ATG14: variants seen among roughly 807,000 people sequenced by gnomAD.
ATG14 encodes autophagy related 14.
Under a neutral mutation model 60.4 loss-of-function variants are expected in ATG14, and 35 were observed. The observed-to-expected ratio is 0.58, with a 90% CI of 0.44 to 0.77. The LOEUF is 0.77. ATG14 is among the 30% of genes least tolerant of loss of function. ATG14 has a pLI of 0.00. For synonymous variants in ATG14, 234 were observed against 228.8 expected (o/e 1.02, Z -0.21); for missense variants, 647 against 626.3 (o/e 1.03, Z -0.35).
intron 3 of ATG14, among the ~76,000 whole-genome samples, chr14:55,392,832 G>A (rs974335272): frequency 2.4e-4 from 37 of 152,126 alleles, no homozygotes; most frequent in Non-Finnish European, 2.9e-5. Context: ...TATGGTGAGC[G>A]AAACTCTAAC....
intron 1 of ATG14, among the ~76,000 whole-genome samples, chr14:55,402,323 TA>T (rs1300013320): frequency 1.3e-5 from 2 of 152,100 alleles, no homozygotes; most frequent in African/African-American, 2.4e-5. Flanking sequence ...GAAACACTAC[TA>T]ATGTATTTTA....
intron 1 of ATG14, among the ~76,000 whole-genome samples, chr14:55,407,357 T>C (rs1475987132): frequency 2.6e-5 from 4 of 152,256 alleles, no homozygotes; most frequent in African/African-American, 4.8e-5. Context: ...TCTCGGTCTC[T>C]TGACCTTGTA....
chr14:55,393,882 T>TA (rs1885266730), intron 3 of ATG14, among the ~76,000 whole-genome samples: 2 of 152,182 alleles, frequency 1.3e-5, no homozygotes, highest in South Asian at 4.1e-4. Context: ...ATATTTAAAA[T>TA]ACATAAATGA....
At chr14:55,380,877 T>A (rs563295168) in intron 6 of ATG14, among the ~76,000 whole-genome samples, 187 bp from the exon 7 acceptor site, 5,839 of 43,078 alleles carry the variant, frequency 0.14, 147 homozygotes, top group Non-Finnish European at 0.16. Context: ...ATATATATAT[T>A]TTTTTTTTTT....
chr14:55,391,734 C>A (rs1885221852), intron 3 of ATG14, among the ~76,000 whole-genome samples: 1 of 152,130 alleles, frequency 6.6e-6, no homozygotes, highest in African/African-American at 2.4e-5. Flanking sequence ...AGCGCAGATA[C>A]AGAACTCAAG....
intron 3 of ATG14, 164 bp from the exon 4 acceptor site, chr14:55,391,156 C>T (rs1176996864): frequency 1.3e-5 from 7 of 535,548 alleles, no homozygotes; most frequent in South Asian, 2.3e-5. Flanking sequence ...AAAAAGAGAA[C>T]GATGTTTTTC....
Position 55,369,459 on chromosome 14 carries a change from A to G in ATG14, c.*160T>C. ...GGTCACCATCACAGGCCACTTGGCA[A>G]ATAGAAATGTTTGTCTCCCTGCTTA... On this transcript the variant is annotated 3_prime_UTR_variant, in exon 10 of 10. Transcript: ENST00000247178. The G allele has an allele frequency of 1.5e-6, 1 of 666,974 alleles. No homozygotes were observed. The highest frequency in any genetic ancestry group is 2.3e-6 in the Non-Finnish European group (1 of 437,936). The allele number at this position is 666,974 out of a possible 1,614,324, so 41.3% of individuals were successfully genotyped here.
rs145411580 is a variant in ATG14 at position 55,385,913 on chromosome 14, A to G, written c.593T>C (p.Ile198Thr). Reference sequence around the variant, plus strand: ...AAAAATGACAGAGGTGAGCTCTAATATATGGGATCGTCGAAGATTTGCCAG... The same window carrying G: ...AAAAATGACAGAGGTGAGCTCTAATGTATGGGATCGTCGAAGATTTGCCAG... ...ERLANLRRSH[I>T]LELTSVIFPI... Residue 198 changes from isoleucine (I) to threonine (T), a missense_variant, in exon 5 of 10, where the codon ATA (isoleucine) becomes ACA (threonine). Ile to Thr is a moderately conservative substitution (Grantham distance 89). Coordinates refer to ENST00000247178, the MANE Select transcript of ATG14 (RefSeq NM_014924.5). 23 of 1,614,194 alleles carry G rather than the reference A, an allele frequency of 1.4e-5. No homozygotes were observed. Among genetic ancestry groups the G allele is most frequent in the Non-Finnish European group, 1.9e-5 (22 of 1,180,026 alleles).
intron 6 of ATG14, 39 bp downstream of exon 6, chr14:55,381,923 T>G: frequency 6.5e-7 from 1 of 1,546,088 alleles, no homozygotes. Flanking sequence ...CCTATAACTC[T>G]CTCTATATAT....
intron 5 of ATG14, among the ~76,000 whole-genome samples, chr14:55,383,226 C>T (rs1278293757): frequency 6.6e-6 from 1 of 151,728 alleles, no homozygotes; most frequent in Non-Finnish European, 1.5e-5. Context: ...TAACCGAGGA[C>T]TGAAAATATT....
At chr14:55,409,921 T>G (rs1405401651) in intron 1 of ATG14, among the ~76,000 whole-genome samples, 1 of 152,186 alleles carries the variant, frequency 6.6e-6, no homozygotes, top group African/African-American at 2.4e-5. Context: ...AGTTTATGTC[T>G]CTGGTAGATT....
intron 1 of ATG14, among the ~76,000 whole-genome samples, chr14:55,409,003 T>G (rs1885531127): frequency 6.6e-6 from 1 of 152,204 alleles, no homozygotes; most frequent in Admixed American, 6.5e-5. Flanking sequence ...ATTATCTTAT[T>G]TACATTTCTA....
intron 9 of ATG14, among the ~76,000 whole-genome samples, chr14:55,375,759 C>A (rs745524710): frequency 3.3e-5 from 5 of 152,150 alleles, no homozygotes; most frequent in Non-Finnish European, 5.9e-5. Context: ...CACTTCACTT[C>A]TTTTTAAAAA....
intron 6 of ATG14, 89 bp downstream of exon 6, chr14:55,381,873 G>T (rs2140131018): frequency 9.1e-7 from 1 of 1,094,764 alleles, no homozygotes; most frequent in Non-Finnish European, 1.4e-6. Context: ...GCCCCTGAAT[G>T]GTTCACTTGA....
intron 6 of ATG14, 30 bp downstream of exon 6, chr14:55,381,932 A>G: frequency 1.9e-6 from 3 of 1,571,652 alleles, no homozygotes; most frequent in Non-Finnish European, 2.6e-6. Context: ...CTCTCTATAT[A>G]TAGATTTCAA....
chr14:55,397,305 G>A (rs1885329168), intron 2 of ATG14, 67 bp downstream of exon 2: 1 of 1,311,918 alleles, frequency 7.6e-7, no homozygotes, highest in Admixed American at 1.8e-5. Context: ...GCATACCACA[G>A]CACTGAATTC....
At chr14:55,406,816 C>T (rs1885498832) in intron 1 of ATG14, among the ~76,000 whole-genome samples, 1 of 152,126 alleles carries the variant, frequency 6.6e-6, no homozygotes, top group Admixed American at 6.5e-5. Flanking sequence ...CCTGTTATCC[C>T]TGAACCCTAA....
At chr14:55,370,025 C>T (rs1304294018) in intron 9 of ATG14, 100 bp from the exon 10 acceptor site, 29 of 1,137,722 alleles carry the variant, frequency 2.5e-5, no homozygotes, top group East Asian at 1.7e-4. Flanking sequence ...GGATGAGGGA[C>T]GCCGCACACC....
chr14:55,411,646 A>G lies in ATG14; in HGVS notation c.177T>C (p.Val59=), dbSNP rs1367992698. The G allele has an allele frequency of 6.2e-7, 1 of 1,613,384 alleles. No individual in the cohort carries two copies. Among genetic ancestry groups the G allele is most frequent in the Non-Finnish European group, 8.5e-7 (1 of 1,179,906 alleles). The change falls in exon 1 of 10, where the codon GTT becomes GTC. Residue 59 remains valine (V), a synonymous_variant. Transcript: ENST00000247178. ...TRRRLTCAKC[V]QSGDFVYFDG... ...CGAAGTAGACGAAATCGCCGCTCTG[A>G]ACGCATTTGGCGCAGGTCAGCCGCC...
Sources: gnomAD v4.1 joint callset for allele counts (sites outside exome capture counted in the v4.1 genomes callset) on GRCh38, gnomAD v4.1.1 for gene constraint, MANE v1.5 for transcripts, NCBI Gene and HGNC (gene_info 2026-07-23, HGNC 2026-07-21) for gene names.